Variants in PGBD1 observed in about 807,000 individuals in gnomAD.
PGBD1 encodes piggyBac transposable element-derived protein 1.
In PGBD1, 25 loss-of-function variants were observed where a neutral mutation model predicts 34.7. That is an observed-to-expected ratio of 0.72 (90% CI 0.52 to 1.00). The LOEUF (loss-of-function observed/expected upper bound fraction) is 1.00, where lower values mean the gene tolerates loss of function less well. Ranked by LOEUF, PGBD1 falls within the 50% of genes least tolerant of loss-of-function variation. The probability of loss-of-function intolerance (pLI) is 0.00; values close to 1 mark genes in which losing one functional copy is unlikely to be tolerated. For missense variants in PGBD1, 830 were observed against 959.4 expected (o/e 0.87, Z 1.78); for synonymous variants, 292 against 335.7 (o/e 0.87, Z 1.42).
Position 28,301,931 on chromosome 6 carries a change from G to A in PGBD1, c.2077G>A (p.Gly693Ser), listed in dbSNP as rs1384611722. The change falls in exon 7 of 7, where the codon GGC becomes AGC. Residue 693 changes from glycine (G) to serine (S), a missense_variant. By Grantham distance (56) the Gly-to-Ser change is moderately conservative. Around this residue, in one of 3 missense-constraint regions of PGBD1, gnomAD observed 372 missense variants for 427.9 expected, o/e 0.87. Coordinates refer to ENST00000682144, the MANE Select transcript of PGBD1 (RefSeq NM_032507.4). ...EIILCRWYGDGIISLCSNAVG... is the reference protein window; with the variant it reads ...EIILCRWYGDSIISLCSNAVG... ...AATTTTGTGTCGTTGGTATGGGGAT[G>A]GCATTATCAGTCTGTGCTCCAATGC... 1.9e-6 allele frequency: 3 copies of A among 1,614,006 alleles called. No homozygotes were observed. Among genetic ancestry groups the A allele is most frequent in the Non-Finnish European group, 1.7e-6 (2 of 1,180,026 alleles).
chr6:28,297,684 C>G (rs1762687412), intron 5 of PGBD1, among the ~76,000 whole-genome samples: 2 of 152,154 alleles, frequency 1.3e-5, no homozygotes, highest in South Asian at 4.1e-4. Context: ...GGCTTTGGTG[C>G]CTTAATTAAC....
At chr6:28,293,212 A>G (rs1380020404) in intron 4 of PGBD1, among the ~76,000 whole-genome samples, 9 of 152,148 alleles carry the variant, frequency 5.9e-5, no homozygotes. Context: ...AAGTGCTGGG[A>G]TTACAGGCAT....
At position 28,285,445 on chromosome 6, in the gene PGBD1, T is replaced by C. The variant is rs147672769; in HGVS notation, c.397-106T>C. On this transcript the variant is annotated intron_variant, in intron 2 of 6. Transcript: ENST00000682144. ...CTGGGCTGGGATCCTTTGCCTGTCT[T>C]TTCTGCCTTGTTTGCTGCTGTATCC... 2.1e-4 allele frequency: 259 copies of C among 1,242,942 alleles called. No individual in the cohort carries two copies. In the African/African-American group the frequency reaches 3.7e-3, roughly 18 times the overall value. The allele number at this position is 1,242,942 out of a possible 1,614,324, so 77.0% of individuals were successfully genotyped here. A position where few individuals can be genotyped will look rare whatever the true frequency, so the allele number is the denominator to read the frequency against.
chr6:28,289,777 C>G (rs1422262470), intron 4 of PGBD1, among the ~76,000 whole-genome samples: 1 of 151,954 alleles, frequency 6.6e-6, no homozygotes, highest in Non-Finnish European at 1.5e-5. Flanking sequence ...ATCTTTAAAA[C>G]AAAACAAGAC....
At chr6:28,289,558 G>A (rs895202468) in intron 4 of PGBD1, among the ~76,000 whole-genome samples, 2 of 152,186 alleles carry the variant, frequency 1.3e-5, no homozygotes, top group African/African-American at 4.8e-5. Context: ...CTGTAATAGT[G>A]ACATACAGTA....
chr6:28,287,023 A>G, intron 3 of PGBD1, 57 bp from the exon 4 acceptor site: 3 of 1,360,732 alleles, frequency 2.2e-6, no homozygotes, highest in Non-Finnish European at 2.1e-6. Flanking sequence ...GTCTCCAAAA[A>G]GGGTACCCTA....
chr6:28,290,558 C>T (rs1472180084), intron 4 of PGBD1, among the ~76,000 whole-genome samples: 1 of 152,078 alleles, frequency 6.6e-6, no homozygotes, highest in Non-Finnish European at 1.5e-5. Context: ...GACAGAAAGT[C>T]AACAGAGAAA....
At position 28,285,718 on chromosome 6, in the gene PGBD1, G is replaced by A. The variant is rs1452647176; in HGVS notation, c.553+11G>A. The A allele has an allele frequency of 1.1e-5, 18 of 1,610,970 alleles. No homozygotes were observed. Among genetic ancestry groups the A allele is most frequent in the Admixed American group, 5.0e-5 (3 of 59,802 alleles). ...CCCAAGAAGTGAGTGGTGAGTGCTC[G>A]AGTGAGTTTAGTGAGGACGCTGGGA... On this transcript the variant is annotated intron_variant, in intron 3 of 6. Coordinates refer to ENST00000682144, the MANE Select transcript of PGBD1 (RefSeq NM_032507.4).
At chr6:28,299,532 C>G (rs140690049) in intron 6 of PGBD1, among the ~76,000 whole-genome samples, 178 of 152,256 alleles carry the variant, frequency 1.2e-3, no homozygotes, top group African/African-American at 4.0e-3. Flanking sequence ...TGAATACATG[C>G]AGACACTGAA....
chr6:28,285,097 T>C (rs988995779), intron 2 of PGBD1, among the ~76,000 whole-genome samples: 4 of 152,204 alleles, frequency 2.6e-5, no homozygotes, highest in Non-Finnish European at 5.9e-5. Context: ...AGAGTACAGC[T>C]AGTTTTTTTG....
chr6:28,292,462 T>C (rs1039113038), intron 4 of PGBD1, among the ~76,000 whole-genome samples: 1 of 151,994 alleles, frequency 6.6e-6, no homozygotes, highest in African/African-American at 2.4e-5. Flanking sequence ...ATTTATAATT[T>C]AGCATTTAAT....
Position 28,296,954 on chromosome 6 carries a change from A to G in PGBD1, c.772+9A>G. On this transcript the variant is annotated intron_variant, in intron 5 of 6. Transcript: ENST00000682144. The stretch of plus-strand genomic sequence containing the variant: ...GAGCCTCAGTCCGATGAGTAAGGCC[A>G]GGCCTCTGGCTGGACCCCTGTCTGG... The G allele has an allele frequency of 6.2e-7, 1 of 1,613,800 alleles. No individual in the cohort carries two copies. Among genetic ancestry groups the G allele is most frequent in the African/African-American group, 1.3e-5 (1 of 75,034 alleles).
intron 2 of PGBD1, among the ~76,000 whole-genome samples, chr6:28,285,135 C>A (rs1280024548): frequency 6.6e-6 from 1 of 152,046 alleles, no homozygotes; most frequent in African/African-American, 2.4e-5. Flanking sequence ...TGAGTTTGTC[C>A]TATATTTTCT....
intron 6 of PGBD1, among the ~76,000 whole-genome samples, chr6:28,299,042 A>G (rs1376854369): frequency 6.6e-6 from 1 of 152,202 alleles, no homozygotes; most frequent in Non-Finnish European, 1.5e-5. Flanking sequence ...TTAAAGCTCA[A>G]GAGGAGAAGT....
intron 2 of PGBD1, among the ~76,000 whole-genome samples, chr6:28,284,809 C>T (rs1208312424): frequency 6.6e-6 from 1 of 152,204 alleles, no homozygotes; most frequent in Non-Finnish European, 1.5e-5. Context: ...GCATGAGCCA[C>T]TGCACCTGGC....
chr6:28,286,458 A>G (rs917331066), intron 3 of PGBD1, among the ~76,000 whole-genome samples: 1 of 152,168 alleles, frequency 6.6e-6, no homozygotes, highest in African/African-American at 2.4e-5. Flanking sequence ...TTTGGAGGCA[A>G]TAATTTGGAC....
Position 28,284,060 on chromosome 6 carries a change from A to G in PGBD1, c.247A>G (p.Ile83Val), listed in dbSNP as rs1762209384. 6.2e-7 allele frequency: 1 copy of G among 1,614,190 alleles called. No homozygotes were observed. The highest frequency in any genetic ancestry group is 8.5e-7 in the Non-Finnish European group (1 of 1,180,018). ...LRPEMHTKEQ[I>V]MELLVLEQFL... ...ACCGGAGATGCACACCAAGGAACAG[A>G]TAATGGAACTGCTGGTGCTGGAGCA... The change falls in exon 2 of 7, where the codon ATA becomes GTA. Residue 83 changes from isoleucine to valine, a missense_variant. By Grantham distance (29) the Ile-to-Val change is conservative (BLOSUM62 3). Coordinates refer to ENST00000682144, the MANE Select transcript of PGBD1 (RefSeq NM_032507.4).
intron 4 of PGBD1, 45 bp downstream of exon 4, chr6:28,287,213 TC>T: frequency 6.8e-7 from 1 of 1,468,256 alleles, no homozygotes; most frequent in South Asian, 1.1e-5. Context: ...TAGTGGTCTT[TC>T]TCCCTCATTC....
At chr6:28,296,638 G>A (rs754961542) in intron 4 of PGBD1, among the ~76,000 whole-genome samples, 178 bp from the exon 5 acceptor site, 22 of 152,150 alleles carry the variant, frequency 1.4e-4, no homozygotes, top group Non-Finnish European at 2.8e-4. Context: ...CCTCTGAATG[G>A]CATCGGCTTG....
Sources: gnomAD v4.1 joint callset for allele counts (sites outside exome capture counted in the v4.1 genomes callset) on GRCh38, gnomAD v4.1.1 for gene constraint, gnomAD v4.1.1 regional missense constraint, MANE v1.5 for transcripts, NCBI Gene and HGNC (gene_info 2026-07-23, HGNC 2026-07-21) for gene names.